Variants in ABCA10 observed in about 807,000 individuals in gnomAD.
ABCA10 encodes the protein ATP binding cassette subfamily A member 10.
Under a neutral mutation model 187.5 loss-of-function variants are expected in ABCA10, and 169 were observed. The observed-to-expected ratio is 0.90, with a 90% CI of 0.80 to 1.02. ABCA10 has a LOEUF of 1.02. Ranked by LOEUF, ABCA10 falls within the 50% of genes least tolerant of loss-of-function variation. The pLI is 0.00. For synonymous variants in ABCA10, 574 were observed against 601.8 expected (o/e 0.95, Z 0.68); for missense variants, 1,727 against 1,812.4 (o/e 0.95, Z 0.86).
intron 9 of ABCA10, among the ~76,000 whole-genome samples, chr17:69,204,605 A>C (rs1189815118): frequency 6.6e-6 from 1 of 152,206 alleles, no homozygotes; most frequent in African/African-American, 2.4e-5. Flanking sequence ...AATTTACATA[A>C]GTATTTCCAA....
chr17:69,156,814 A>G lies in ABCA10; in HGVS notation c.3455+18T>C, dbSNP rs1208897060. On this transcript the variant is annotated intron_variant, in intron 28 of 38. Transcript: ENST00000690296. Reference sequence around the variant, plus strand: ...AATATTTAGATTATATTCAGATCTCAATTAATATTTTCCCAACCTGAAAAC... The same window carrying G: ...AATATTTAGATTATATTCAGATCTCGATTAATATTTTCCCAACCTGAAAAC... The G allele has an allele frequency of 3.5e-6, 5 of 1,420,542 alleles. No individual in the cohort carries two copies. Among genetic ancestry groups the G allele is most frequent in the Non-Finnish European group, 4.8e-6 (5 of 1,038,272 alleles). The allele number at this position is 1,420,542 out of a possible 1,614,324, so 88.0% of individuals were successfully genotyped here. A position where few individuals can be genotyped will look rare whatever the true frequency, so the allele number is the denominator to read the frequency against.
chr17:69,214,415 T>C (rs2074686387), intron 9 of ABCA10, among the ~76,000 whole-genome samples: 1 of 150,050 alleles, frequency 6.7e-6, no homozygotes, highest in African/African-American at 2.5e-5. Context: ...CTTGGGAGGC[T>C]GAGGCAGGAG....
chr17:69,149,308 G>C (rs1332268919), intron 37 of ABCA10: 3 of 524,492 alleles, frequency 5.7e-6, no homozygotes, highest in Non-Finnish European at 1.0e-5. Flanking sequence ...AAAGCTCCTT[G>C]TGTCCTATTT....
intron 3 of ABCA10, among the ~76,000 whole-genome samples, chr17:69,224,426 A>G (rs1466968212): frequency 2.6e-5 from 4 of 152,162 alleles, no homozygotes. Context: ...ATTGCTGAAG[A>G]AAAGAACATT....
rs188859502 is a variant in ABCA10 at position 69,239,721 on chromosome 17, A to T, written c.-593+4808T>A. Among the ~76,000 whole-genome samples the T allele has an allele frequency of 4.1e-4, 63 of 152,096 alleles. No individual in the cohort carries two copies. The East Asian group carries it at 8.5e-3, about 21-fold the overall frequency. ...CCCGGCCTCTATTAGTCAGGATTTT[A>T]TCACCCCCATTGCTCTCTGTGAGCC... On this transcript the variant is annotated intron_variant, in intron 1 of 39. Transcript: ENST00000269081.
intron 27 of ABCA10, among the ~76,000 whole-genome samples, chr17:69,158,358 A>T (rs1217738376): frequency 1.3e-5 from 2 of 152,002 alleles, no homozygotes; most frequent in South Asian, 2.1e-4. Context: ...ATCTGAAAAA[A>T]AAATTGGAAA....
rs550978552 is a variant in ABCA10 at position 69,225,727 on chromosome 17, A to G, written c.-171-198T>C. ...TCAAAAATACACAACTTTTGAGATA[A>G]TATCAACAATTGCAATCAATCTTAA... On this transcript the variant is annotated intron_variant, in intron 2 of 38. Transcript: ENST00000690296. Among the ~76,000 whole-genome samples, 204 of 152,266 alleles carry G rather than the reference A, an allele frequency of 1.3e-3. 2 individuals are homozygous for G. The highest frequency in any genetic ancestry group is 4.7e-3 in the African/African-American group (195 of 41,560).
At chr17:69,196,827 AC>A (rs1369551917) in intron 11 of ABCA10, among the ~76,000 whole-genome samples, 2 of 152,158 alleles carry the variant, frequency 1.3e-5, no homozygotes, top group Non-Finnish European at 2.9e-5. Flanking sequence ...CCCGGCCAAC[AC>A]GGCAAAACCC....
At position 69,155,147 on chromosome 17, in the gene ABCA10, T is replaced by C; in HGVS notation, c.3577-11A>G. 1 of 1,543,774 alleles carries C rather than the reference T, an allele frequency of 6.5e-7. No homozygotes were observed. Among genetic ancestry groups the C allele is most frequent in the African/African-American group, 1.4e-5 (1 of 72,998 alleles). On this transcript the variant is annotated splice_polypyrimidine_tract_variant and intron_variant, in intron 29 of 38. Transcript: ENST00000690296. ...AGTTATGACTGGTTCCTGGAAAACA[T>C]GACAAAGCATGATTTCCCTGTTAAA...
chr17:69,230,035 G>C (rs981246867), upstream of ABCA10, among the ~76,000 whole-genome samples: 1 of 151,986 alleles, frequency 6.6e-6, no homozygotes, highest in Non-Finnish European at 1.5e-5. Context: ...TTTAGAAGTG[G>C]TGATTAGGTC....
chr17:69,223,828 T>C (rs1208761374), intron 3 of ABCA10: 1 of 272,542 alleles, frequency 3.7e-6, no homozygotes, highest in African/African-American at 2.3e-5. Flanking sequence ...CAGGCGAGCA[T>C]GGTAGCTGGA....
intron 1 of ABCA10, among the ~76,000 whole-genome samples, chr17:69,238,354 C>A (rs2074884751): frequency 6.6e-6 from 1 of 151,842 alleles, no homozygotes; most frequent in African/African-American, 2.4e-5. Context: ...TTACAGCAGC[C>A]CTAGAAAACT....
At chr17:69,210,829 TGCC>T (rs2074639063) in intron 9 of ABCA10, among the ~76,000 whole-genome samples, 1 of 122,464 alleles carries the variant, frequency 8.2e-6, no homozygotes, top group African/African-American at 3.9e-5. Context: ...TATATATATA[TGCC>T]ACATATTTAT....
At chr17:69,163,715 A>C (rs1466841890) in intron 27 of ABCA10, among the ~76,000 whole-genome samples, 1 of 152,184 alleles carries the variant, frequency 6.6e-6, no homozygotes, top group African/African-American at 2.4e-5. Flanking sequence ...AATTTCATTT[A>C]ATCTTTCTCC....
intron 9 of ABCA10, among the ~76,000 whole-genome samples, chr17:69,204,428 T>C (rs1340809586): frequency 6.6e-6 from 1 of 152,156 alleles, no homozygotes; most frequent in East Asian, 1.9e-4. Flanking sequence ...CTCTTTAAGA[T>C]GATTTGTTTT....
chr17:69,225,346 C>T lies in ABCA10; in HGVS notation c.13G>A (p.Ala5Thr), dbSNP rs1282087002. ...ACACCTTTCATAAAGGAAGCCAAGG[C>T]CATCTTATTCATTATCCTTTGTGTT... MNKM[A>T]LASFMKGRTV... Residue 5 changes from alanine to threonine, a missense_variant, in exon 3 of 39, where the codon GCC becomes ACC. Coordinates refer to ENST00000690296, the MANE Select transcript of ABCA10 (RefSeq NM_001377321.1). The T allele has an allele frequency of 2.5e-6, 4 of 1,612,966 alleles. No individual in the cohort carries two copies. The highest frequency in any genetic ancestry group is 1.6e-4 in the Middle Eastern group (1 of 6,080).
Position 69,179,241 on chromosome 17 carries a change from A to G in ABCA10, c.2769+2912T>C, listed in dbSNP as rs149283384. On this transcript the variant is annotated intron_variant, in intron 22 of 38. Transcript: ENST00000690296. ...AAAACCTCTATCTGAACCTCGTCAA[A>G]AGGGAAAAATAGAACCCCATGTAAG... Among the ~76,000 whole-genome samples, 326 of 152,256 alleles carry G rather than the reference A, an allele frequency of 2.1e-3. 2 individuals are homozygous for G. Among genetic ancestry groups the G allele is most frequent in the African/African-American group, 7.2e-3 (298 of 41,556 alleles).
chr17:69,173,847 C>T (rs2074314056), intron 25 of ABCA10, among the ~76,000 whole-genome samples: 2 of 151,928 alleles, frequency 1.3e-5, no homozygotes, highest in South Asian at 4.2e-4. Flanking sequence ...ATCTATATAG[C>T]CCCCTATCAT....
intron 9 of ABCA10, among the ~76,000 whole-genome samples, chr17:69,204,756 G>T (rs1056395175): frequency 6.6e-6 from 1 of 152,106 alleles, no homozygotes; most frequent in Non-Finnish European, 1.5e-5. Context: ...GGCTTGTTTT[G>T]GTTCAGTAAA....
Sources: allele counts gnomAD v4.1 joint callset (sites outside exome capture counted in the v4.1 genomes callset), GRCh38; gene constraint gnomAD v4.1.1; transcripts MANE v1.5; gene names NCBI Gene and HGNC (gene_info 2026-07-23, HGNC 2026-07-21).